Variants in ZFAND3 observed in about 807,000 individuals in gnomAD.
The protein encoded by ZFAND3 is AN1-type zinc finger protein 3.
In ZFAND3, 10 loss-of-function variants were observed where a neutral mutation model predicts 29.6. That is an observed-to-expected ratio of 0.34 (90% confidence interval 0.21 to 0.57). ZFAND3 has a LOEUF of 0.57. ZFAND3 is among the 20% of genes least tolerant of loss of function. The probability of loss-of-function intolerance (pLI) is 0.86; values close to 1 mark genes in which losing one functional copy is unlikely to be tolerated. For missense variants in ZFAND3, 230 were observed against 304.5 expected (o/e 0.76, Z 1.82); for synonymous variants, 128 against 112.6 (o/e 1.14, Z -0.87).
At chr6:37,849,470 G>A (rs998203823) in intron 1 of ZFAND3, among the ~76,000 whole-genome samples, 5 of 152,222 alleles carry the variant, frequency 3.3e-5, no homozygotes, top group Admixed American at 1.3e-4. Flanking sequence ...GTGCAGTGGC[G>A]TGATCTTGGC....
intron 2 of ZFAND3, among the ~76,000 whole-genome samples, chr6:37,971,586 C>A (rs535918692): frequency 6.6e-6 from 1 of 152,198 alleles, no homozygotes; most frequent in South Asian, 2.1e-4. Context: ...AAAAGCAATG[C>A]TTGCTTTCCA....
chr6:38,103,684 CTG>C (rs1393196027), intron 4 of ZFAND3, among the ~76,000 whole-genome samples: 2 of 152,058 alleles, frequency 1.3e-5, no homozygotes. Flanking sequence ...TGTACGAACA[CTG>C]TACAAATCTT....
At chr6:37,945,919 C>A (rs1298043314) in intron 2 of ZFAND3, among the ~76,000 whole-genome samples, 1 of 152,164 alleles carries the variant, frequency 6.6e-6, no homozygotes, top group Non-Finnish European at 1.5e-5. Context: ...CTGCTGGTCA[C>A]CACTTCTTGT....
chr6:37,958,554 A>C (rs28385568), intron 2 of ZFAND3, among the ~76,000 whole-genome samples: 12,492 of 152,028 alleles, frequency 0.082, 619 homozygotes, highest in African/African-American at 0.14. Flanking sequence ...CCGTCACTCT[A>C]ATTAGCAATC....
chr6:37,911,145 A>G (rs1316024230), intron 1 of ZFAND3, among the ~76,000 whole-genome samples: 3 of 152,196 alleles, frequency 2.0e-5, no homozygotes, highest in Admixed American at 6.5e-5. Context: ...ACTAATTCCA[A>G]TGAGTAGTAT....
chr6:38,128,179 C>G (rs1327230160), intron 5 of ZFAND3, among the ~76,000 whole-genome samples: 1 of 152,122 alleles, frequency 6.6e-6, no homozygotes, highest in Non-Finnish European at 1.5e-5. Flanking sequence ...TCTTTCAGAT[C>G]AATAATAAAT....
chr6:38,088,384 A>G (rs1333675288), intron 4 of ZFAND3: 1 of 152,230 alleles, frequency 6.6e-6, no homozygotes, highest in East Asian at 1.9e-4. Flanking sequence ...GTTGGTTACC[A>G]GAGGCTGGGA....
chr6:38,087,228 T>C (rs1764774863), intron 4 of ZFAND3, among the ~76,000 whole-genome samples: 1 of 152,126 alleles, frequency 6.6e-6, no homozygotes, highest in Non-Finnish European at 1.5e-5. Flanking sequence ...CCTCAAACTA[T>C]GAAACTACTA....
intron 2 of ZFAND3, among the ~76,000 whole-genome samples, chr6:37,943,935 TTGAAGA>T (rs1286452225): frequency 6.6e-6 from 1 of 152,216 alleles, no homozygotes; most frequent in Non-Finnish European, 1.5e-5. Context: ...ATTAGTAATC[TTGAAGA>T]TGAGACTAGA....
chr6:37,832,693 C>T (rs928090540), intron 1 of ZFAND3, among the ~76,000 whole-genome samples: 5 of 152,020 alleles, frequency 3.3e-5, no homozygotes, highest in Admixed American at 2.0e-4. Flanking sequence ...CCTCTCTCCT[C>T]GACAGGGTCT....
intron 1 of ZFAND3, among the ~76,000 whole-genome samples, chr6:37,844,612 T>A (rs1025457676): frequency 1.3e-5 from 2 of 152,208 alleles, no homozygotes; most frequent in South Asian, 4.1e-4. Flanking sequence ...AAACAGTGTT[T>A]AGGCTATTGG....
intron 2 of ZFAND3, among the ~76,000 whole-genome samples, chr6:38,051,653 A>G (rs1380743807): frequency 2.0e-5 from 3 of 152,226 alleles, no homozygotes; most frequent in African/African-American, 4.8e-5. Context: ...TTTCCACAAT[A>G]TGCCAAACCC....
chr6:38,020,864 C>G (rs574317527), intron 2 of ZFAND3, among the ~76,000 whole-genome samples: 5 of 152,306 alleles, frequency 3.3e-5, no homozygotes, highest in Admixed American at 6.5e-5. Context: ...CATAGCTACT[C>G]TCTTGCTCTG....
intron 2 of ZFAND3, among the ~76,000 whole-genome samples, chr6:37,972,235 C>G (rs983886125): frequency 2.0e-5 from 3 of 152,204 alleles, no homozygotes; most frequent in African/African-American, 7.2e-5. Context: ...GAGGCAGCAG[C>G]TGTTCTCCAG....
rs59350040 is a variant in ZFAND3, at chr6:38,139,908, G to A, written c.530-12327G>A. On this transcript the variant is annotated intron_variant, in intron 5 of 5. Coordinates refer to ENST00000287218, the MANE Select transcript of ZFAND3 (RefSeq NM_021943.3). ...TAGCCCTGGAAAAAAAGATTCTGGC[G>A]GCTTTGACTAGGTGGTGGCAGTAGA... Among the ~76,000 whole-genome samples the A allele has an allele frequency of 0.018, 2,677 of 152,246 alleles. 252 individuals are homozygous for A. In the East Asian group the frequency reaches 0.28, roughly 16 times the overall value.
At chr6:37,879,229 C>T (rs979419426) in intron 1 of ZFAND3, among the ~76,000 whole-genome samples, 1 of 152,202 alleles carries the variant, frequency 6.6e-6, no homozygotes, top group Non-Finnish European at 1.5e-5. Flanking sequence ...ATGCTCAGAA[C>T]TATCTTTGTA....
chr6:37,924,406 C>G (rs921552965), intron 1 of ZFAND3, among the ~76,000 whole-genome samples: 2 of 151,076 alleles, frequency 1.3e-5, no homozygotes, highest in Non-Finnish European at 2.9e-5. Context: ...AAATACCAAC[C>G]AAGAGTGACC....
chr6:38,111,588 A>G (rs1356012031), intron 4 of ZFAND3, among the ~76,000 whole-genome samples: 1 of 152,176 alleles, frequency 6.6e-6, no homozygotes, highest in Non-Finnish European at 1.5e-5. Flanking sequence ...GAAGACTTCG[A>G]TGATCCACTT....
intron 2 of ZFAND3, among the ~76,000 whole-genome samples, chr6:37,946,994 A>G (rs1761915119): frequency 1.3e-5 from 2 of 152,194 alleles, no homozygotes; most frequent in African/African-American, 4.8e-5. Flanking sequence ...GTAGTTGCAC[A>G]ACAACGTGAA....
Sources: gnomAD v4.1 joint callset for allele counts (sites outside exome capture counted in the v4.1 genomes callset) on GRCh38, gnomAD v4.1.1 for gene constraint, MANE v1.5 for transcripts, NCBI Gene and HGNC (gene_info 2026-07-23, HGNC 2026-07-21) for gene names.